Variants in PI4K2A observed in about 807,000 individuals in gnomAD.
PI4K2A encodes phosphatidylinositol 4-kinase type 2-alpha.
In PI4K2A, 20 loss-of-function variants were observed where a neutral mutation model predicts 55.0. The observed-to-expected ratio is 0.36, with a 90% CI of 0.26 to 0.53. PI4K2A has a LOEUF of 0.53. PI4K2A is among the 20% of genes least tolerant of loss of function. The pLI, the probability that PI4K2A is intolerant of heterozygous loss-of-function variation, is 0.91. For synonymous variants in PI4K2A, 235 were observed against 258.5 expected, an observed-to-expected ratio of 0.91 and a Z score of 0.87; for missense variants, 463 against 637.1, an observed-to-expected ratio of 0.73 and a Z score of 2.94.
chr10:97,666,517 A>G (rs2041609926), exon 7 of PI4K2A: 1 of 1,613,818 alleles, frequency 6.2e-7, no homozygotes. Context: ...TTCCAAAGAT[A>G]TCGGACCCTA....
intron 4 of PI4K2A, among the ~76,000 whole-genome samples, chr10:97,662,296 T>A (rs2041587982): frequency 6.6e-6 from 1 of 152,226 alleles, no homozygotes; most frequent in South Asian, 2.1e-4. Flanking sequence ...TCATCTTGTT[T>A]CTTTGTGTAC....
At chr10:97,667,233 C>T in intron 8 of PI4K2A, 113 bp downstream of exon 8, 6 of 721,160 alleles carry the variant, frequency 8.3e-6, no homozygotes, top group Middle Eastern at 3.6e-4. Flanking sequence ...TTTTTGAGAC[C>T]GAGTCTCACT....
chr10:97,648,281 G>A (rs2041515046), intron 1 of PI4K2A, among the ~76,000 whole-genome samples: 2 of 151,722 alleles, frequency 1.3e-5, no homozygotes, highest in Non-Finnish European at 2.9e-5. Flanking sequence ...TAGTAGAGAT[G>A]GGGTTTCTCC....
At chr10:97,671,139 G>GAA (rs200845848) in intron 8 of PI4K2A, among the ~76,000 whole-genome samples, 6 of 145,892 alleles carry the variant, frequency 4.1e-5, no homozygotes, top group East Asian at 2.0e-4. Flanking sequence ...CTCCGTCTCA[G>GAA]AAAAAAAAAA....
At chr10:97,654,841 T>A (rs2041544912) in intron 2 of PI4K2A, among the ~76,000 whole-genome samples, 1 of 151,870 alleles carries the variant, frequency 6.6e-6, no homozygotes, top group Non-Finnish European at 1.5e-5. Flanking sequence ...CTCATAAAAA[T>A]TTTTTTTAGA....
rs189729665 is a variant in PI4K2A at position 97,672,191 on chromosome 10, C to T, written c.1279-1390C>T. On this transcript the variant is annotated intron_variant, in intron 8 of 8. Coordinates refer to ENST00000370631, the Ensembl canonical transcript of PI4K2A. ...CCAAGTAGCTGGGATTACAGGCATG[C>T]GCCACCATGCCTGGCTAATTTTTGT... 2.5e-3 allele frequency among the ~76,000 whole-genome samples: 378 copies of T among 151,924 alleles called. 2 individuals carry two copies. Among genetic ancestry groups the T allele is most frequent in the African/African-American group, 8.1e-3 (336 of 41,470 alleles).
chr10:97,673,660 C>T (rs200889599), exon 9 of PI4K2A: 26 of 1,613,974 alleles, frequency 1.6e-5, no homozygotes, highest in East Asian at 1.1e-4. Context: ...ATTGTCGAGA[C>T]GGCCCGTTCC....
chr10:97,650,438 C>T lies in PI4K2A; in HGVS notation c.436-503C>T, dbSNP rs573614179. ...CTGGAATTACAGGTGTGCACCACCGCGCCCAGCTACTTTTTGTATTTTTAG... is the reference window on the plus strand; with the variant it reads ...CTGGAATTACAGGTGTGCACCACCGTGCCCAGCTACTTTTTGTATTTTTAG... On this transcript the variant is annotated intron_variant, in intron 1 of 8. Coordinates refer to ENST00000370631, the Ensembl canonical transcript of PI4K2A. 5.3e-5 allele frequency among the ~76,000 whole-genome samples: 8 copies of T among 151,952 alleles called. No individual in the cohort carries two copies. In the South Asian group the frequency reaches 6.3e-4, roughly 12 times the overall value.
intron 2 of PI4K2A, 40 bp downstream of exon 2, chr10:97,651,181 C>T (rs762372864): frequency 1.3e-6 from 2 of 1,515,300 alleles, no homozygotes; most frequent in Admixed American, 1.7e-5. Flanking sequence ...TGCCTGGCCA[C>T]AGTTTTCCTG....
At chr10:97,641,137 A>T (rs771075297) in exon 1 of PI4K2A, 1 of 1,607,114 alleles carries the variant, frequency 6.2e-7, no homozygotes, top group South Asian at 1.1e-5. Context: ...CGCATCTACC[A>T]GGGCTCCAGC....
intron 1 of PI4K2A, among the ~76,000 whole-genome samples, chr10:97,643,242 G>T (rs2041487555): frequency 6.6e-6 from 1 of 152,066 alleles, no homozygotes. Context: ...TCTTGCCTCA[G>T]CCTCCCAAAG....
In PI4K2A at chr10:97,664,998, C is replaced by CCACCATTGTCTGGAG; in HGVS notation, c.1084+14_1084+15insCACCATTGTCTGGAG. On this transcript the variant is annotated intron_variant, in intron 6 of 8. Coordinates refer to ENST00000370631, the Ensembl canonical transcript of PI4K2A. The stretch of plus-strand genomic sequence containing the variant: ...CCTGGAGGGCATGTAAGTCTCCAGA[C>CCACCATTGTCTGGAG]AATGGTGGTCTGGCTCTTCCCTTGC... 6.6e-7 allele frequency: 1 copy of CCACCATTGTCTGGAG among 1,516,412 alleles called. No homozygotes were observed. Among genetic ancestry groups the CCACCATTGTCTGGAG allele is most frequent in the Non-Finnish European group, 9.2e-7 (1 of 1,091,372 alleles). The allele number at this position is 1,516,412 out of a possible 1,614,324, so 93.9% of individuals were successfully genotyped here. A position where few individuals can be genotyped will look rare whatever the true frequency, so the allele number is the denominator to read the frequency against.
At chr10:97,650,149 A>G (rs1345573968) in intron 1 of PI4K2A, among the ~76,000 whole-genome samples, 2 of 152,078 alleles carry the variant, frequency 1.3e-5, no homozygotes, top group African/African-American at 4.8e-5. Flanking sequence ...TTTTTGGGGG[A>G]AAGATTACTT....
chr10:97,656,435 C>T lies in PI4K2A; in HGVS notation c.768+19C>T, dbSNP rs1162710510. 2.5e-6 allele frequency: 4 copies of T among 1,611,608 alleles called. No homozygotes were observed. The highest frequency in any genetic ancestry group is 3.4e-6 in the Non-Finnish European group (4 of 1,178,218). On this transcript the variant is annotated intron_variant, in intron 3 of 8. Coordinates refer to ENST00000370631, the Ensembl canonical transcript of PI4K2A. This position sits in a 1 kb window ranked among gnomAD's most constrained non-coding sequence, Gnocchi z 4.5. ...ACCAAAGGTATAGACGCACCTCTGG[C>T]TTATCAAGGGTCATGATTTATAGTG...
chr10:97,675,083 C>T (rs777209169), exon 9 of PI4K2A: 1 of 152,760 alleles, frequency 6.5e-6, no homozygotes, highest in African/African-American at 2.4e-5. Flanking sequence ...AGGGTGCCAT[C>T]TGTGTCTGGA....
intron 2 of PI4K2A, among the ~76,000 whole-genome samples, chr10:97,655,295 G>A (rs1034173403): frequency 1.3e-5 from 2 of 151,138 alleles, no homozygotes; most frequent in Non-Finnish European, 2.9e-5. Flanking sequence ...GCTTGAATGC[G>A]GGACTTGGAG....
Position 97,656,854 on chromosome 10 carries a change from A to G in PI4K2A, c.802A>G (p.Lys268Glu). ...ATTCCAGCTCTTTGTTGAAGGCTAC[A>G]AAGATGCAGACTATTGGCTGCGGCG... is the stretch of plus-strand genomic sequence containing the variant. Residue 268 changes from lysine (K) to glutamate (E), a missense_variant, in exon 4 of 9, where the codon AAA becomes GAA. Lys to Glu is a moderately conservative substitution (Grantham distance 56, BLOSUM62 1). Transcript: ENST00000370631. This position sits in a 1 kb window ranked among gnomAD's most constrained non-coding sequence, Gnocchi z 4.5. The G allele has an allele frequency of 6.2e-7, 1 of 1,614,206 alleles. No homozygotes were observed. Among genetic ancestry groups the G allele is most frequent in the Non-Finnish European group, 8.5e-7 (1 of 1,180,028 alleles).
chr10:97,646,066 A>C (rs2041503624), intron 1 of PI4K2A, among the ~76,000 whole-genome samples: 1 of 151,970 alleles, frequency 6.6e-6, no homozygotes, highest in African/African-American at 2.4e-5. Context: ...TAATTCTAAG[A>C]CTTTATTTGC....
At chr10:97,646,848 C>T (rs566624246) in intron 1 of PI4K2A, among the ~76,000 whole-genome samples, 2 of 152,188 alleles carry the variant, frequency 1.3e-5, no homozygotes, top group Middle Eastern at 3.4e-3. Context: ...GATCTTGGCT[C>T]ACTGCAACTT....
Sources: gnomAD v4.1 joint callset for allele counts (sites outside exome capture counted in the v4.1 genomes callset) on GRCh38, gnomAD v4.1.1 for gene constraint, Gnocchi (gnomAD v3.1) non-coding constraint, MANE v1.5 for transcripts, NCBI Gene and HGNC (gene_info 2026-07-23, HGNC 2026-07-21) for gene names.